UGT1A8: variants seen among roughly 807,000 people sequenced by gnomAD.
The protein encoded by UGT1A8 is UDP glucuronosyltransferase family 1 member A8.
A neutral mutation model predicts 45.3 loss-of-function variants in UGT1A8; 39 were observed. The observed-to-expected ratio is 0.86, with a 90% CI of 0.67 to 1.12. The LOEUF is 1.12. Ranked by LOEUF, UGT1A8 falls within the 50% of genes most tolerant of loss-of-function variation. The probability of loss-of-function intolerance (pLI) is 0.00; values close to 1 mark genes in which losing one functional copy is unlikely to be tolerated. For missense variants in UGT1A8, 719 were observed against 664.9 expected, an observed-to-expected ratio of 1.08 and a Z score of -0.90; for synonymous variants, 275 against 249.2, an observed-to-expected ratio of 1.10 and a Z score of -0.97.
Position 233,769,013 on chromosome 2 carries a change from C to T in UGT1A8, c.1295+574C>T, listed in dbSNP as rs4148328. 0.32 allele frequency among the ~76,000 whole-genome samples: 49,227 copies of T among 151,996 alleles called. 8,798 individuals are homozygous for T. Among genetic ancestry groups the T allele is most frequent in the East Asian group, 0.6 (3,101 of 5,178 alleles). On this transcript the variant is annotated intron_variant, in intron 4 of 4. Transcript: ENST00000373450. The surrounding 1 kb of genome is among the most constrained non-coding windows in gnomAD (Gnocchi z 4.4). ...CCATTAGATTTAAAACTCCAATTTA[C>T]ATAAAAAGTTGCCATAATAGACATC...
intron 1 of UGT1A8, among the ~76,000 whole-genome samples, chr2:233,624,616 T>A (rs976746035): frequency 6.6e-6 from 1 of 152,190 alleles, no homozygotes; most frequent in Non-Finnish European, 1.5e-5. Flanking sequence ...GTAATAATCT[T>A]GAAATGAGGT....
In UGT1A8 at chr2:233,767,949, G is replaced by A. The variant is rs569380768; in HGVS notation, c.1075+13G>A. 2 of 1,614,196 alleles carry A rather than the reference G, an allele frequency of 1.2e-6. No homozygotes were observed. Among genetic ancestry groups the A allele is most frequent in the East Asian group, 2.2e-5 (1 of 44,890 alleles). On this transcript the variant is annotated intron_variant, in intron 3 of 4. Coordinates refer to ENST00000373450, the MANE Select transcript of UGT1A8 (RefSeq NM_019076.5). ...AACGATCTGCTTGGTATGTTGGGCG[G>A]ATTGGATGTATAGGTCAAACCAGGG...
At chr2:233,626,583 T>G (rs1428124690) in intron 1 of UGT1A8, among the ~76,000 whole-genome samples, 7 of 152,086 alleles carry the variant, frequency 4.6e-5, no homozygotes, top group African/African-American at 1.7e-4. Flanking sequence ...AAATGAATTG[T>G]TTGGGGCTTG....
intron 1 of UGT1A8, chr2:233,743,968 T>C (rs1283229468): frequency 3.0e-6 from 4 of 1,327,120 alleles, no homozygotes; most frequent in Non-Finnish European, 4.0e-6. Context: ...GCGGCAAGGC[T>C]GCCAGCACCC....
intron 1 of UGT1A8, among the ~76,000 whole-genome samples, chr2:233,629,101 T>C (rs922477316): frequency 5.9e-5 from 9 of 152,028 alleles, no homozygotes; most frequent in Admixed American, 3.3e-4. Flanking sequence ...TTTGGACCCA[T>C]TAAAAAAGAA....
chr2:233,637,057 G>T (rs2073312647), intron 1 of UGT1A8: 2 of 1,613,944 alleles, frequency 1.2e-6, no homozygotes, highest in South Asian at 1.1e-5. Context: ...CCATCTTGAA[G>T]AAGGTGCACA....
At chr2:233,739,922 C>T (rs28900073) in intron 1 of UGT1A8, among the ~76,000 whole-genome samples, 1 of 151,712 alleles carries the variant, frequency 6.6e-6, no homozygotes, top group Non-Finnish European at 1.5e-5. Flanking sequence ...TTTCCATAAT[C>T]CCCATGTGTT....
At chr2:233,668,415 A>G (rs2074120313) in intron 1 of UGT1A8, among the ~76,000 whole-genome samples, 2 of 152,184 alleles carry the variant, frequency 1.3e-5, no homozygotes, top group Admixed American at 1.3e-4. Context: ...ATAGTATTCC[A>G]TGGTGTATAT....
At chr2:233,641,400 CTT>C (rs1246246963) in intron 1 of UGT1A8, among the ~76,000 whole-genome samples, 1 of 152,146 alleles carries the variant, frequency 6.6e-6, no homozygotes, top group Non-Finnish European at 1.5e-5. Context: ...AGAAACTAGT[CTT>C]AACTTTGCTC....
chr2:233,672,265 G>T (rs377398548), intron 1 of UGT1A8: 1 of 1,613,982 alleles, frequency 6.2e-7, no homozygotes, highest in East Asian at 2.2e-5. Context: ...TCTATTAATG[G>T]GTTCATACAA....
At chr2:233,723,587 T>C (rs2077102865) in intron 1 of UGT1A8, among the ~76,000 whole-genome samples, 1 of 113,268 alleles carries the variant, frequency 8.8e-6, no homozygotes, top group Non-Finnish European at 1.8e-5. Context: ...GAGGGGGATT[T>C]GGCAGGGTCA....
At chr2:233,738,412 C>G (rs988923331) in intron 1 of UGT1A8, among the ~76,000 whole-genome samples, 2 of 152,164 alleles carry the variant, frequency 1.3e-5, no homozygotes, top group African/African-American at 2.4e-5. Flanking sequence ...GGGTAACAGG[C>G]AGAGGCTGGA....
At chr2:233,641,666 C>G (rs1398197316) in intron 1 of UGT1A8, among the ~76,000 whole-genome samples, 1 of 152,128 alleles carries the variant, frequency 6.6e-6, no homozygotes, top group Non-Finnish European at 1.5e-5. Flanking sequence ...TTGAAGTACT[C>G]CCTGTAGCAT....
At chr2:233,636,663 A>G (rs750755522) in intron 1 of UGT1A8, 26 of 1,614,022 alleles carry the variant, frequency 1.6e-5, no homozygotes, top group Non-Finnish European at 2.1e-5. Flanking sequence ...TGGTGGAGAA[A>G]CTTATCCTCA....
intron 1 of UGT1A8, chr2:233,712,960 T>C (rs759299238): frequency 6.2e-7 from 1 of 1,612,820 alleles, no homozygotes; most frequent in Non-Finnish European, 8.5e-7. Context: ...CAACGTGGGG[T>C]GGACAGTCAG....
At chr2:233,690,749 C>G in intron 1 of UGT1A8, 1 of 1,180,016 alleles carries the variant, frequency 8.5e-7, no homozygotes, top group South Asian at 1.6e-5. Flanking sequence ...GGCTAGTGTC[C>G]AGTGCAGACA....
rs1192497893 is a variant in UGT1A8, at chr2:233,682,753, T to TGGTGG, written c.855+64192_855+64196dup. 13 of 1,613,798 alleles carry TGGTGG rather than the reference T, an allele frequency of 8.1e-6. No homozygotes were observed. The highest frequency in any genetic ancestry group is 1.1e-5 in the Non-Finnish European group (13 of 1,179,822). On this transcript the variant is annotated intron_variant, in intron 1 of 4. Transcript: ENST00000373450. ...CCGTGATGCCCAATATGATCTTCATTGGTGGTATCAACTGTCATCAGGGAA... is the reference window on the plus strand; with the variant it reads ...CCGTGATGCCCAATATGATCTTCATTGGTGGGGTGGTATCAACTGTCATCAGGGAA...
intron 1 of UGT1A8, among the ~76,000 whole-genome samples, chr2:233,642,507 G>A (rs147043483): frequency 2.4e-4 from 36 of 152,246 alleles, no homozygotes; most frequent in African/African-American, 7.7e-4. Flanking sequence ...TTTCTCCAGC[G>A]TTAGTCCCTG....
intron 4 of UGT1A8, 40 bp downstream of exon 4, chr2:233,768,479 T>C: frequency 6.3e-7 from 1 of 1,593,226 alleles, no homozygotes; most frequent in Non-Finnish European, 8.6e-7. Context: ...GGTCATGGCA[T>C]TCATGATAAA....
Sources: gnomAD v4.1 joint callset for allele counts (sites outside exome capture counted in the v4.1 genomes callset) on GRCh38, gnomAD v4.1.1 for gene constraint, Gnocchi (gnomAD v3.1) non-coding constraint, MANE v1.5 for transcripts, NCBI Gene and HGNC (gene_info 2026-07-23, HGNC 2026-07-21) for gene names.